BMP6: variants seen among roughly 807,000 people sequenced by gnomAD.
The protein encoded by BMP6 is VG-1-R.
BMP6 carries 17 observed loss-of-function variants against 54.1 expected under a neutral mutation model. That is an observed-to-expected ratio of 0.31 (90% CI 0.22 to 0.47). The LOEUF (loss-of-function observed/expected upper bound fraction) is 0.47, where lower values mean the gene tolerates loss of function less well. Ranked by LOEUF, BMP6 falls within the 20% of genes least tolerant of loss-of-function variation. The pLI is 1.00. For missense variants in BMP6, 720 were observed against 690.4 expected, an observed-to-expected ratio of 1.04 and a Z score of -0.48; for synonymous variants, 328 against 291.2, an observed-to-expected ratio of 1.13 and a Z score of -1.28.
chr6:7,784,859 C>T (rs1757998989), intron 1 of BMP6, among the ~76,000 whole-genome samples: 1 of 152,164 alleles, frequency 6.6e-6, no homozygotes, highest in Admixed American at 6.5e-5. Flanking sequence ...GCACAGTCAC[C>T]TCCTCCTTGC....
chr6:7,756,678 C>T (rs565526762), intron 1 of BMP6, among the ~76,000 whole-genome samples: 1 of 152,182 alleles, frequency 6.6e-6, no homozygotes, highest in Non-Finnish European at 1.5e-5. Context: ...TTCTTCTGTG[C>T]AACGAAGTAA....
intron 1 of BMP6, among the ~76,000 whole-genome samples, chr6:7,817,765 G>C (rs1202749545): frequency 1.3e-5 from 2 of 152,126 alleles, no homozygotes; most frequent in Non-Finnish European, 2.9e-5. Flanking sequence ...TGAATTGAAA[G>C]TGTATTTTTA....
intron 1 of BMP6, among the ~76,000 whole-genome samples, chr6:7,731,199 G>C (rs1232896188): frequency 6.6e-6 from 1 of 152,178 alleles, no homozygotes; most frequent in Non-Finnish European, 1.5e-5. Context: ...GAGCGAGCTC[G>C]TGAACTTGCA....
intron 2 of BMP6, among the ~76,000 whole-genome samples, chr6:7,857,313 A>C (rs567986775): frequency 6.6e-6 from 1 of 152,362 alleles, no homozygotes; most frequent in East Asian, 1.9e-4. Context: ...GGATGACCAC[A>C]ATGTGAGGAA....
rs561746249 is a variant in BMP6, at chr6:7,862,582, G to A, written c.1204+84G>A. 5.1e-5 allele frequency: 79 copies of A among 1,540,972 alleles called. No individual in the cohort carries two copies. In the African/African-American group the frequency reaches 6.5e-4, roughly 13 times the overall value. On this transcript the variant is annotated intron_variant, in intron 4 of 6. Transcript: ENST00000283147. ...AGTTGTGTCCACAGTCTCAGATGTCGGGCAGCTTCTGCACAGCAAATCCAA... is the reference window on the plus strand; with the variant it reads ...AGTTGTGTCCACAGTCTCAGATGTCAGGCAGCTTCTGCACAGCAAATCCAA...
chr6:7,778,265 T>G (rs1349737696), intron 1 of BMP6, among the ~76,000 whole-genome samples: 1 of 152,204 alleles, frequency 6.6e-6, no homozygotes, highest in Non-Finnish European at 1.5e-5. Flanking sequence ...TGCAGAACTT[T>G]AAAACAAATA....
intron 1 of BMP6, among the ~76,000 whole-genome samples, chr6:7,825,279 T>C (rs1371614942): frequency 6.6e-6 from 1 of 152,112 alleles, no homozygotes; most frequent in African/African-American, 2.4e-5. Context: ...ACCCTATCTC[T>C]AAAAGAAAAG....
rs1011762590 is a variant in BMP6 at position 7,793,427 on chromosome 6, A to G, written c.665-51713A>G. On this transcript the variant is annotated intron_variant, in intron 1 of 6. Coordinates refer to ENST00000283147, the MANE Select transcript of BMP6 (RefSeq NM_001718.6). ...ATTTTTAGCACAGTAAAAATACTGT[A>G]TGATACTACAATGGTAGATGCATGT... Among the ~76,000 whole-genome samples the G allele has an allele frequency of 2.6e-5, 4 of 152,228 alleles. No individual in the cohort carries two copies. In the East Asian group the frequency reaches 7.7e-4, roughly 29 times the overall value.
In BMP6 at chr6:7,862,338, C is replaced by T. The variant is rs557769291; in HGVS notation, c.1044C>T (p.Gly348=). Residue 348 remains glycine, a synonymous_variant, in exon 4 of 7, where the codon GGC becomes GGT. Coordinates refer to ENST00000283147, the MANE Select transcript of BMP6 (RefSeq NM_001718.6). ...ACCCCCGAGCCGCAGGCCTGGTGGG[C>T]AGAGACGGCCCTTACGACAAGCAGC... The part of the protein sequence containing the change: ...HVHPRAAGLV[G]RDGPYDKQPF... The T allele has an allele frequency of 1.9e-6, 3 of 1,614,222 alleles. No homozygotes were observed. In the African/African-American group the frequency reaches 4.0e-5, roughly 22 times the overall value.
chr6:7,778,937 GA>G (rs1396545869), intron 1 of BMP6, among the ~76,000 whole-genome samples: 1 of 152,220 alleles, frequency 6.6e-6, no homozygotes, highest in African/African-American at 2.4e-5. Flanking sequence ...TCTCCAACAA[GA>G]TTATACACTG....
chr6:7,846,771 C>A (rs1431764850), intron 2 of BMP6, among the ~76,000 whole-genome samples: 1 of 152,060 alleles, frequency 6.6e-6, no homozygotes, highest in African/African-American at 2.4e-5. Context: ...TTTTTTGTTG[C>A]TAGATTTTTG....
chr6:7,786,778 A>G (rs1234930290), intron 1 of BMP6, among the ~76,000 whole-genome samples: 1 of 152,188 alleles, frequency 6.6e-6, no homozygotes, highest in Middle Eastern at 3.2e-3. Context: ...TCGGAACATC[A>G]GGTAGAAAAG....
chr6:7,802,371 C>T (rs1758281904), intron 1 of BMP6, among the ~76,000 whole-genome samples: 2 of 152,162 alleles, frequency 1.3e-5, no homozygotes, highest in South Asian at 4.1e-4. Context: ...AGGTATGATC[C>T]CTCACCTCTC....
intron 1 of BMP6, among the ~76,000 whole-genome samples, chr6:7,832,051 C>T (rs34069936): frequency 0.068 from 10,389 of 152,170 alleles, 644 homozygotes; most frequent in African/African-American, 0.16. Flanking sequence ...GACACGCAAA[C>T]AGCTGATCGT....
chr6:7,730,272 C>T (rs1300392107), intron 1 of BMP6, among the ~76,000 whole-genome samples: 2 of 152,092 alleles, frequency 1.3e-5, no homozygotes, highest in South Asian at 2.1e-4. Flanking sequence ...TAGTATCTCC[C>T]TAGGGATATT....
At chr6:7,743,845 G>A (rs1757304685) in intron 1 of BMP6, among the ~76,000 whole-genome samples, 1 of 152,188 alleles carries the variant, frequency 6.6e-6, no homozygotes, top group Non-Finnish European at 1.5e-5. Flanking sequence ...CAGCAAACAT[G>A]TTTTACTAAA....
chr6:7,764,969 A>G (rs1177279585), intron 1 of BMP6, among the ~76,000 whole-genome samples: 1 of 152,184 alleles, frequency 6.6e-6, no homozygotes, highest in East Asian at 1.9e-4. Flanking sequence ...ACATTTTCAT[A>G]ATACTCTGTG....
Position 7,826,682 on chromosome 6 carries a change from T to C in BMP6, c.665-18458T>C, listed in dbSNP as rs192936848. Among the ~76,000 whole-genome samples the C allele has an allele frequency of 9.2e-5, 14 of 152,320 alleles. 1 individual carries two copies. The South Asian group carries it at 2.3e-3, about 25-fold the overall frequency. On this transcript the variant is annotated intron_variant, in intron 1 of 6. Transcript: ENST00000283147. ...TTCCGACTTTTCTTTTGACTACTTA[T>C]TGCCAGCACCAGACAGGAAGAGCAA...
chr6:7,869,170 C>T (rs1308352255), intron 4 of BMP6, among the ~76,000 whole-genome samples: 1 of 152,234 alleles, frequency 6.6e-6, no homozygotes, highest in Non-Finnish European at 1.5e-5. Flanking sequence ...GTGCAGCCTC[C>T]CCGCACAATG....
Sources: allele counts gnomAD v4.1 joint callset (sites outside exome capture counted in the v4.1 genomes callset), GRCh38; gene constraint gnomAD v4.1.1; transcripts MANE v1.5; gene names NCBI Gene and HGNC (gene_info 2026-07-23, HGNC 2026-07-21).